The following BECN1 variants were observed in gnomAD, a reference collection of about 807,000 sequenced individuals.
BECN1 encodes beclin 1.
Under a neutral mutation model 60.1 loss-of-function variants are expected in BECN1, and 15 were observed. The observed-to-expected ratio is 0.25, with a 90% confidence interval of 0.17 to 0.38. BECN1 has a LOEUF of 0.38. Ranked by LOEUF, BECN1 falls within the 10% of genes least tolerant of loss-of-function variation. The probability of loss-of-function intolerance (pLI) is 1.00; values close to 1 mark genes in which losing one functional copy is unlikely to be tolerated. For synonymous variants in BECN1, 179 were observed against 201.8 expected, an observed-to-expected ratio of 0.89 and a Z score of 0.96; for missense variants, 424 against 548.2, an observed-to-expected ratio of 0.77 and a Z score of 2.26.
At position 42,823,658 on chromosome 17, in the gene BECN1, G is replaced by A. The variant is rs2022776942; in HGVS notation, c.130+90C>T. ...CCTAGGTTCACACGATGAGTTTGTG[G>A]CAGACTACACAGCCACCATAAGAAT... is the stretch of plus-strand genomic sequence containing the variant. On this transcript the variant is annotated intron_variant, in intron 2 of 11. Transcript: ENST00000590099. The A allele has an allele frequency of 3.3e-6, 5 of 1,506,540 alleles. No homozygotes were observed. The Admixed American group carries it at 5.7e-5, about 17-fold the overall frequency. 93.3% of individuals were successfully genotyped at this position (1,506,540 alleles called of 1,614,324 possible). A position where few individuals can be genotyped will look rare whatever the true frequency, so the allele number is the denominator to read the frequency against.
intron 4 of BECN1, 186 bp downstream of exon 4, chr17:42,819,362 A>G (rs2055213099): frequency 1.6e-6 from 1 of 606,822 alleles, no homozygotes; most frequent in African/African-American, 1.9e-5. Context: ...CTCTGTGAAC[A>G]GCTACAGGAA....
chr17:42,814,298 A>G (rs927680725), intron 9 of BECN1: 1 of 608,710 alleles, frequency 1.6e-6, no homozygotes, highest in African/African-American at 1.9e-5. Flanking sequence ...GGCTCTGGGG[A>G]CTGTAGGCTG....
At chr17:42,813,904 A>G (rs1416911038) in intron 10 of BECN1, 44 bp downstream of exon 10, 11 of 1,404,640 alleles carry the variant, frequency 7.8e-6, no homozygotes, top group Admixed American at 2.1e-5. Context: ...CTTAAGAGAT[A>G]TAAGAACTCT....
intron 11 of BECN1, 124 bp downstream of exon 11, chr17:42,811,531 T>C (rs2144145986): frequency 2.3e-6 from 3 of 1,279,192 alleles, no homozygotes; most frequent in East Asian, 4.7e-5. Context: ...ATCAATGTCA[T>C]GTGATTCTGT....
intron 2 of BECN1, 186 bp downstream of exon 2, chr17:42,823,562 C>G: frequency 1.1e-6 from 1 of 892,552 alleles, no homozygotes; most frequent in South Asian, 2.0e-5. Context: ...TCGGAAAGCT[C>G]TCAGAAGTCC....
In BECN1 at chr17:42,818,276, C is replaced by T; in HGVS notation, c.628G>A (p.Glu210Lys). 6.2e-7 allele frequency: 1 copy of T among 1,614,230 alleles called. No homozygotes were observed. The highest frequency in any genetic ancestry group is 8.5e-7 in the Non-Finnish European group (1 of 1,180,028). ...TCAGCCTGGACCTTCTCGAGATTTT[C>T]TGCCACTATCTTGCGGTTCTTTTCC... The part of the protein sequence containing the change: ...DVEKNRKIVA[E>K]NLEKVQAEAE... Residue 210 changes from glutamate to lysine, a missense_variant, in exon 7 of 12, where the codon GAA becomes AAA. Coordinates refer to ENST00000590099, the MANE Select transcript of BECN1 (RefSeq NM_001313998.2).
rs1316293414 is a variant in BECN1, at chr17:42,814,512, T to TA, written c.980+11dup. 1.2e-6 allele frequency: 2 copies of TA among 1,614,088 alleles called. No individual in the cohort carries two copies. The highest frequency in any genetic ancestry group is 3.3e-5 in the Admixed American group (2 of 60,016). On this transcript the variant is annotated intron_variant, in intron 9 of 11. Transcript: ENST00000590099. ...TGCACATCACTCCCCAAGAAAGGGC[T>TA]ACACTTCCTACCTCTGAAATTTCAG... is the stretch of plus-strand genomic sequence containing the variant.
At chr17:42,822,147 G>C (rs2055278506) in intron 2 of BECN1, among the ~76,000 whole-genome samples, 1 of 152,166 alleles carries the variant, frequency 6.6e-6, no homozygotes, top group South Asian at 2.1e-4. Flanking sequence ...AGGTTGCAGT[G>C]AGCCGAGATC....
chr17:42,823,941 G>T (rs1020296235), intron 1 of BECN1, 62 bp from the exon 2 acceptor site: 2 of 1,575,728 alleles, frequency 1.3e-6, no homozygotes, highest in East Asian at 2.3e-5. Flanking sequence ...CCGGCCCGGG[G>T]TTACCACATG....
intron 3 of BECN1, 78 bp downstream of exon 3, chr17:42,820,696 A>G (rs2055244539): frequency 7.0e-7 from 1 of 1,437,710 alleles, no homozygotes. Context: ...CCAAGCCTGC[A>G]TTCCTGTTTT....
At chr17:42,812,217 T>A (rs1308646445) in intron 10 of BECN1, 1 of 154,646 alleles carries the variant, frequency 6.5e-6, no homozygotes, top group African/African-American at 2.4e-5. Context: ...AAACCCCGTC[T>A]CTACTAAAAA....
chr17:42,811,068 TTTGC>T, intron 11 of BECN1, 140 bp from the exon 12 acceptor site: 1 of 967,558 alleles, frequency 1.0e-6, no homozygotes, highest in Non-Finnish European at 1.4e-6. Flanking sequence ...GTATTTTGGA[TTTGC>T]TTGAAAGCCA....
intron 2 of BECN1, among the ~76,000 whole-genome samples, chr17:42,821,052 CATT>C (rs71917375): frequency 0.01 from 1,524 of 147,086 alleles, 29 homozygotes; most frequent in African/African-American, 0.035. Flanking sequence ...ATAATGGTAT[CATT>C]ATTATTATTA....
At chr17:42,811,431 C>A (rs1652035573) in intron 11 of BECN1, 1 of 452,516 alleles carries the variant, frequency 2.2e-6, no homozygotes, top group Admixed American at 4.2e-5. Context: ...CCAAGAAAAC[C>A]CCCTAAACCA....
At position 42,811,989 on chromosome 17, in the gene BECN1, C is replaced by T. The variant is rs1414947234; in HGVS notation, c.1042-192G>A. The T allele has an allele frequency of 6.6e-6, 4 of 609,628 alleles. No homozygotes were observed. In the African/African-American group the frequency reaches 7.5e-5, roughly 11 times the overall value. 37.8% of individuals were successfully genotyped at this position (609,628 alleles called of 1,614,324 possible). A position where few individuals can be genotyped will look rare whatever the true frequency, so the allele number is the denominator to read the frequency against. On this transcript the variant is annotated intron_variant, in intron 10 of 11. Transcript: ENST00000590099. ...TGGGCAAGTAACAATGCACTTAGAA[C>T]TGTTTCACTATCAATGAAAATGTAC...
Position 42,823,897 on chromosome 17 carries a change from A to T in BECN1, c.-2-18T>A. 6.2e-7 allele frequency: 1 copy of T among 1,611,432 alleles called. No homozygotes were observed. On this transcript the variant is annotated intron_variant, in intron 1 of 11. Transcript: ENST00000590099. ...TTCCATCCCTGAGGCCGTGGAAAAG[A>T]GGCAACATTAGGGAGAAGCGACGCC...
In BECN1 at chr17:42,813,952, G is replaced by A; in HGVS notation, c.1037C>T (p.Ser346Phe). Residue 346 changes from serine to phenylalanine, a missense_variant, in exon 10 of 12, where the codon TCT becomes TTT. Ser to Phe is a radical substitution (Grantham distance 155). This residue lies in a region of BECN1 where 326 missense variants were observed against 406.2 expected (regional missense o/e 0.80). Transcript: ENST00000590099. ...AAATGGAGCTTCACAGAGTACCTTA[G>A]ATTTGTCTGTCAGAGACTCCAGATA... The part of the protein sequence containing the change: ...HSYLESLTDK[S>F]KELPLYCSGG... The A allele has an allele frequency of 7.5e-6, 12 of 1,595,032 alleles. No individual in the cohort carries two copies. The highest frequency in any genetic ancestry group is 1.0e-5 in the Non-Finnish European group (12 of 1,166,180).
intron 2 of BECN1, among the ~76,000 whole-genome samples, chr17:42,823,452 C>G (rs1349450121): frequency 6.6e-6 from 1 of 152,164 alleles, no homozygotes; most frequent in Non-Finnish European, 1.5e-5. Flanking sequence ...AGGGGTTTCG[C>G]CATGTTGGCC....
Position 42,818,614 on chromosome 17 carries a change from A to G in BECN1, c.418T>C (p.Cys140Arg), listed in dbSNP as rs2055195000. The G allele has an allele frequency of 1.9e-6, 3 of 1,613,976 alleles. No individual in the cohort carries two copies. Among genetic ancestry groups the G allele is most frequent in the African/African-American group, 1.3e-5 (1 of 74,894 alleles). ...AGCTGGTCTAAAAGAGTATCTGTGC[A>G]TTCCTCACAGAGTGGGTGATCCACA... is the stretch of plus-strand genomic sequence containing the variant. ...TDVDHPLCEE[C>R]TDTLLDQLDT... The change falls in exon 6 of 12, where the codon TGC (cysteine) becomes CGC (arginine). Residue 140 changes from cysteine (C) to arginine (R), a missense_variant. Transcript: ENST00000590099.
Sources: gnomAD v4.1 joint callset for allele counts (sites outside exome capture counted in the v4.1 genomes callset) on GRCh38, gnomAD v4.1.1 for gene constraint, gnomAD v4.1.1 regional missense constraint, MANE v1.5 for transcripts, NCBI Gene and HGNC (gene_info 2026-07-23, HGNC 2026-07-21) for gene names.